Variants in CNTN1 observed in about 807,000 individuals in gnomAD.
CNTN1 encodes contactin 1, also known as contactin-1.
CNTN1 carries 38 observed loss-of-function variants against 126.4 expected under a neutral mutation model. The ratio of observed to expected loss-of-function variants is 0.30; its 90% CI spans 0.23 to 0.39. CNTN1 has a LOEUF of 0.39. CNTN1 is among the 10% of genes least tolerant of loss of function. CNTN1 has a pLI of 1.00. For synonymous variants in CNTN1, 413 were observed against 422.6 expected (o/e 0.98, Z 0.28); for missense variants, 1,009 against 1,248.4 (o/e 0.81, Z 2.89).
intron 1 of CNTN1, among the ~76,000 whole-genome samples, chr12:40,702,611 A>T (rs1382660254): frequency 6.6e-6 from 1 of 151,872 alleles, no homozygotes; most frequent in Non-Finnish European, 1.5e-5. Flanking sequence ...TGCTCCGCTA[A>T]TTTTTTGTAT....
At chr12:40,710,318 G>C (rs546497427) in intron 1 of CNTN1, among the ~76,000 whole-genome samples, 4 of 152,106 alleles carry the variant, frequency 2.6e-5, no homozygotes, top group African/African-American at 9.7e-5. Flanking sequence ...AACACCTATT[G>C]ATTAAGTATC....
chr12:40,741,569 C>A (rs1565672489), intron 1 of CNTN1, among the ~76,000 whole-genome samples: 1 of 152,022 alleles, frequency 6.6e-6, no homozygotes, highest in Admixed American at 6.6e-5. Context: ...TAAATGACAT[C>A]TATTGAGCAA....
chr12:40,698,172 T>G (rs1941498593), intron 1 of CNTN1, among the ~76,000 whole-genome samples: 1 of 151,904 alleles, frequency 6.6e-6, no homozygotes, highest in East Asian at 1.9e-4. Flanking sequence ...TGCAGAGCTT[T>G]GCATGAAACC....
intron 17 of CNTN1, among the ~76,000 whole-genome samples, chr12:41,005,498 C>T (rs1170920546): frequency 6.6e-6 from 1 of 152,054 alleles, no homozygotes; most frequent in Non-Finnish European, 1.5e-5. Flanking sequence ...TGGGGAAGTT[C>T]TCCTGGATGA....
At chr12:40,872,063 A>C (rs1413971226) in intron 1 of CNTN1, among the ~76,000 whole-genome samples, 1 of 152,160 alleles carries the variant, frequency 6.6e-6, no homozygotes, top group Non-Finnish European at 1.5e-5. Flanking sequence ...TTACCTCGGA[A>C]GTCATCTACT....
chr12:40,987,281 C>T (rs916067718), intron 16 of CNTN1, among the ~76,000 whole-genome samples: 2 of 152,134 alleles, frequency 1.3e-5, no homozygotes, highest in Non-Finnish European at 2.9e-5. Context: ...TATCAATTTT[C>T]AGTGTTCCAA....
chr12:40,794,778 A>C (rs555740187), intron 1 of CNTN1, among the ~76,000 whole-genome samples: 1 of 152,174 alleles, frequency 6.6e-6, no homozygotes, highest in South Asian at 2.1e-4. Flanking sequence ...AAGGCTTCTC[A>C]AACAGAATAA....
intron 1 of CNTN1, among the ~76,000 whole-genome samples, chr12:40,710,776 C>T (rs1344478061): frequency 1.3e-5 from 2 of 151,992 alleles, no homozygotes; most frequent in African/African-American, 4.8e-5. Flanking sequence ...TCATATTGTC[C>T]TCTATTTCTA....
intron 15 of CNTN1, among the ~76,000 whole-genome samples, chr12:40,979,944 G>GT (rs1216922358): frequency 2.0e-5 from 3 of 151,852 alleles, no homozygotes; most frequent in Admixed American, 6.6e-5. Context: ...ATAATTTGAG[G>GT]TTTTAAGAGC....
chr12:41,053,919 T>C (rs1438756224), intron 23 of CNTN1, among the ~76,000 whole-genome samples: 1 of 151,818 alleles, frequency 6.6e-6, no homozygotes, highest in Non-Finnish European at 1.5e-5. Context: ...CTTTCATTCT[T>C]TAAAAATATA....
rs1159169307 is a variant in CNTN1 at position 40,735,279 on chromosome 12, T to C, written c.-77+42687T>C. 2.6e-5 allele frequency among the ~76,000 whole-genome samples: 4 copies of C among 152,250 alleles called. No homozygotes were observed. The South Asian group carries it at 8.3e-4, about 32-fold the overall frequency. Reference sequence around the variant, plus strand: ...TATGGAAGTCAATTTAGTACTCTTATTTAGAAGTGACAAGAAACTTCAAAC... The same window carrying C: ...TATGGAAGTCAATTTAGTACTCTTACTTAGAAGTGACAAGAAACTTCAAAC... On this transcript the variant is annotated intron_variant, in intron 1 of 23. Coordinates refer to ENST00000551295, the MANE Select transcript of CNTN1 (RefSeq NM_001843.4).
At chr12:40,958,379 G>GTA (rs371856896) in intron 14 of CNTN1, among the ~76,000 whole-genome samples, 1 of 140,122 alleles carries the variant, frequency 7.1e-6, no homozygotes, top group Non-Finnish European at 1.6e-5. Flanking sequence ...GTGTGTGTGT[G>GTA]TATGTATGTA....
chr12:40,959,261 C>T, intron 15 of CNTN1, 27 bp downstream of exon 15: 1 of 1,610,604 alleles, frequency 6.2e-7, no homozygotes, highest in Non-Finnish European at 8.5e-7. Flanking sequence ...TTTAAAATTA[C>T]AAAACCAAAA....
intron 1 of CNTN1, among the ~76,000 whole-genome samples, chr12:40,758,296 A>G (rs1221995629): frequency 6.6e-6 from 1 of 151,730 alleles, no homozygotes; most frequent in Non-Finnish European, 1.5e-5. Flanking sequence ...AGTTCAAAAC[A>G]AAGTGTTTTT....
At chr12:40,937,714 A>G (rs1446847157) in intron 11 of CNTN1, 27 bp downstream of exon 11, 3 of 1,279,666 alleles carry the variant, frequency 2.3e-6, no homozygotes, top group Non-Finnish European at 3.4e-6. Flanking sequence ...ATTTCTGTTA[A>G]ACATTGTTAA....
chr12:40,918,976 A>AT (rs1179679162), intron 4 of CNTN1, among the ~76,000 whole-genome samples: 1 of 152,104 alleles, frequency 6.6e-6, no homozygotes, highest in Non-Finnish European at 1.5e-5. Flanking sequence ...TTCTCTTACT[A>AT]TTTTTTGCAC....
intron 20 of CNTN1, among the ~76,000 whole-genome samples, chr12:41,023,058 G>T (rs541968975): frequency 6.6e-6 from 1 of 152,196 alleles, no homozygotes; most frequent in South Asian, 2.1e-4. Flanking sequence ...CTATAATGTG[G>T]TTATTGTTTC....
At chr12:40,809,668 T>C in intron 1 of CNTN1, among the ~76,000 whole-genome samples, 1 of 152,032 alleles carries the variant, frequency 6.6e-6, no homozygotes, top group East Asian at 1.9e-4. Context: ...AATATAAAAT[T>C]AGCCAGGTGT....
At chr12:40,994,181 A>C (rs1483056492) in intron 17 of CNTN1, among the ~76,000 whole-genome samples, 2 of 152,134 alleles carry the variant, frequency 1.3e-5, no homozygotes, top group African/African-American at 2.4e-5. Flanking sequence ...TAATATTTGC[A>C]ACAAAATTCC....
Sources: allele counts gnomAD v4.1 joint callset (sites outside exome capture counted in the v4.1 genomes callset), GRCh38; gene constraint gnomAD v4.1.1; transcripts MANE v1.5; gene names NCBI Gene and HGNC (gene_info 2026-07-23, HGNC 2026-07-21).